Variants in PTPRR observed in about 807,000 individuals in gnomAD.
The protein encoded by PTPRR is receptor-type tyrosine-protein phosphatase R.
Under a neutral mutation model 77.2 loss-of-function variants are expected in PTPRR, and 38 were observed. That is an observed-to-expected ratio of 0.49 (90% CI 0.38 to 0.65). PTPRR has a LOEUF of 0.65. Among genes scored for constraint, PTPRR ranks in the 30% least tolerant of loss-of-function variants. PTPRR has a pLI of 0.00. For synonymous variants in PTPRR, 299 were observed against 283.1 expected (o/e 1.06, Z -0.57); for missense variants, 744 against 799.2 (o/e 0.93, Z 0.83).
chr12:70,815,516 G>T, intron 2 of PTPRR, among the ~76,000 whole-genome samples: 1 of 152,194 alleles, frequency 6.6e-6, no homozygotes, highest in East Asian at 1.9e-4. Context: ...TATACCGAAC[G>T]GTTTTAAAAT....
At chr12:70,654,116 AATAAC>A (rs1046335417) in intron 13 of PTPRR, among the ~76,000 whole-genome samples, 2 of 152,190 alleles carry the variant, frequency 1.3e-5, no homozygotes, top group Non-Finnish European at 2.9e-5. Context: ...TAAAGATGAT[AATAAC>A]ATAACAAACA....
At chr12:70,848,007 G>A (rs1178343306) in intron 2 of PTPRR, among the ~76,000 whole-genome samples, 2 of 152,070 alleles carry the variant, frequency 1.3e-5, no homozygotes, top group Non-Finnish European at 2.9e-5. Context: ...TTTCATATGG[G>A]CATGATAATA....
intron 1 of PTPRR, among the ~76,000 whole-genome samples, chr12:70,908,678 G>A (rs1027284466): frequency 6.6e-6 from 1 of 152,190 alleles, no homozygotes; most frequent in Non-Finnish European, 1.5e-5. Flanking sequence ...TATCAATGGG[G>A]AAAGAGGTCT....
intron 6 of PTPRR, among the ~76,000 whole-genome samples, chr12:70,709,061 T>C (rs1888725109): frequency 6.6e-6 from 1 of 152,100 alleles, no homozygotes; most frequent in African/African-American, 2.4e-5. Context: ...TGAACATTGA[T>C]ACACTAATCC....
chr12:70,653,377 GA>G (rs778203929), intron 13 of PTPRR, among the ~76,000 whole-genome samples: 5 of 152,174 alleles, frequency 3.3e-5, no homozygotes, highest in Non-Finnish European at 5.9e-5. Context: ...ATTATAAGAG[GA>G]GAAGGGATAA....
At chr12:70,748,810 ATTAG>A (rs1565680545) in intron 5 of PTPRR, among the ~76,000 whole-genome samples, 1 of 152,188 alleles carries the variant, frequency 6.6e-6, no homozygotes, top group Non-Finnish European at 1.5e-5. Flanking sequence ...GTGTTTTACA[ATTAG>A]TTCTGAAAGA....
At chr12:70,826,263 C>T (rs1221495270) in intron 2 of PTPRR, among the ~76,000 whole-genome samples, 2 of 151,968 alleles carry the variant, frequency 1.3e-5, no homozygotes, top group East Asian at 1.9e-4. Flanking sequence ...TGGAATAGTG[C>T]TAATAGGGTG....
At chr12:70,866,297 TAAAG>T (rs1698981764) in intron 2 of PTPRR, among the ~76,000 whole-genome samples, 3 of 148,798 alleles carry the variant, frequency 2.0e-5, no homozygotes, top group African/African-American at 4.9e-5. Flanking sequence ...GCAAGACTAA[TAAAG>T]AAAAGAGAGA....
chr12:70,890,191 T>G (rs1893311209), intron 2 of PTPRR, among the ~76,000 whole-genome samples: 1 of 152,206 alleles, frequency 6.6e-6, no homozygotes, highest in African/African-American at 2.4e-5. Context: ...ATTCAATATC[T>G]TCTCTACATT....
chr12:70,869,743 G>A (rs1302434272), intron 2 of PTPRR, among the ~76,000 whole-genome samples: 1 of 152,142 alleles, frequency 6.6e-6, no homozygotes, highest in Non-Finnish European at 1.5e-5. Flanking sequence ...CATTAGCCAA[G>A]GAATGAGGTG....
chr12:70,718,319 G>A (rs550648440), intron 6 of PTPRR, among the ~76,000 whole-genome samples: 1 of 151,708 alleles, frequency 6.6e-6, no homozygotes, highest in East Asian at 1.9e-4. Flanking sequence ...AGGTTGGAGT[G>A]CAATAGCACG....
intron 6 of PTPRR, among the ~76,000 whole-genome samples, chr12:70,712,951 C>T (rs1436827865): frequency 6.6e-6 from 1 of 152,028 alleles, no homozygotes; most frequent in Admixed American, 6.6e-5. Flanking sequence ...TTATTATAGT[C>T]ACTTAGTTGT....
chr12:70,746,929 A>G (rs1890231613), intron 5 of PTPRR, among the ~76,000 whole-genome samples: 1 of 152,094 alleles, frequency 6.6e-6, no homozygotes. Flanking sequence ...GGTGATATTC[A>G]TTGACTCTGG....
At chr12:70,890,960 C>CAAA (rs1292168447) in intron 2 of PTPRR, among the ~76,000 whole-genome samples, 44 of 152,188 alleles carry the variant, frequency 2.9e-4, no homozygotes, top group African/African-American at 1.0e-3. Context: ...TAAAAAATAA[C>CAAA]CCTGCCTCCC....
chr12:70,761,450 T>C, intron 4 of PTPRR, 21 bp downstream of exon 4: 2 of 1,540,524 alleles, frequency 1.3e-6, no homozygotes, highest in Non-Finnish European at 1.8e-6. Flanking sequence ...TTTAAATGAA[T>C]TGTTTCGTGC....
At chr12:70,917,764 C>T (rs968891704) in intron 1 of PTPRR, among the ~76,000 whole-genome samples, 1 of 152,150 alleles carries the variant, frequency 6.6e-6, no homozygotes, top group Non-Finnish European at 1.5e-5. Flanking sequence ...TGCTACTTAT[C>T]ATTACAGGCA....
chr12:70,785,741 C>G (rs1336977851), intron 2 of PTPRR, among the ~76,000 whole-genome samples: 1 of 152,024 alleles, frequency 6.6e-6, no homozygotes, highest in Non-Finnish European at 1.5e-5. Flanking sequence ...TAGAAGAAAA[C>G]AGATTTAACG....
intron 13 of PTPRR, among the ~76,000 whole-genome samples, chr12:70,651,290 T>C (rs910840948): frequency 1.3e-5 from 2 of 152,200 alleles, no homozygotes; most frequent in African/African-American, 4.8e-5. Context: ...GATCACTTCG[T>C]TTAGATTGAA....
intron 2 of PTPRR, among the ~76,000 whole-genome samples, chr12:70,770,519 G>A (rs1890946322): frequency 6.6e-6 from 1 of 152,166 alleles, no homozygotes; most frequent in Non-Finnish European, 1.5e-5. Flanking sequence ...AACAGGTGCT[G>A]GAGAGGATGT....
Sources: gnomAD v4.1 joint callset for allele counts (sites outside exome capture counted in the v4.1 genomes callset) on GRCh38, gnomAD v4.1.1 for gene constraint, MANE v1.5 for transcripts, NCBI Gene and HGNC (gene_info 2026-07-23, HGNC 2026-07-21) for gene names.